GSAP: variants seen among roughly 807,000 people sequenced by gnomAD.
GSAP encodes gamma-secretase activating protein, also known as gamma-secretase-activating protein.
In GSAP, 118 loss-of-function variants were observed where a neutral mutation model predicts 131.7. The observed-to-expected ratio is 0.90, with a 90% CI of 0.77 to 1.04. The LOEUF (loss-of-function observed/expected upper bound fraction) is 1.04. Among genes scored for constraint, GSAP ranks in the 50% least tolerant of loss-of-function variants. GSAP has a pLI of 0.00. For synonymous variants in GSAP, 381 were observed against 363.4 expected (o/e 1.05, Z -0.55); for missense variants, 1,019 against 1,013.2 (o/e 1.01, Z -0.08).
intron 19 of GSAP, among the ~76,000 whole-genome samples, chr7:77,333,502 T>C (rs1363586275): frequency 6.6e-6 from 1 of 152,178 alleles, no homozygotes; most frequent in Non-Finnish European, 1.5e-5. Flanking sequence ...CTGAGCCTTA[T>C]GAGTTTTACA....
rs527531535 is a variant in GSAP, at chr7:77,349,371, T to C, written c.1525A>G (p.Ile509Val). The change falls in exon 19 of 31, where the codon ATT becomes GTT. Residue 509 changes from isoleucine to valine, a missense_variant. Physicochemically the swap from Ile to Val is conservative, Grantham distance 29. Coordinates refer to ENST00000257626, the MANE Select transcript of GSAP (RefSeq NM_017439.4). ...IPGITLVTED[I>V]ALPLMKVLSF... ...CCTACCTTCATAAGAGGCAATGCAA[T>C]GTCTTCTGTCACAAGAGTTATTCCA... The C allele has an allele frequency of 2.5e-4, 397 of 1,612,802 alleles. 6 individuals are homozygous for C. In the South Asian group the frequency reaches 4.2e-3, roughly 17 times the overall value.
At chr7:77,363,763 TA>T (rs1794866658) in intron 12 of GSAP, among the ~76,000 whole-genome samples, 1 of 152,172 alleles carries the variant, frequency 6.6e-6, no homozygotes, top group Non-Finnish European at 1.5e-5. Context: ...CAAAAAAGAA[TA>T]ACTTCATCAG....
intron 3 of GSAP, among the ~76,000 whole-genome samples, chr7:77,402,683 G>GT (rs1370982624): frequency 3.2e-5 from 4 of 124,790 alleles, no homozygotes; most frequent in South Asian, 2.5e-4. Flanking sequence ...CAAAAGGTCC[G>GT]TAAAAAAAAA....
At chr7:77,374,829 C>T (rs1044130658) in intron 11 of GSAP, among the ~76,000 whole-genome samples, 4 of 152,166 alleles carry the variant, frequency 2.6e-5, no homozygotes, top group Non-Finnish European at 5.9e-5. Context: ...TGGAGATGCA[C>T]TACAGAAATA....
chr7:77,355,425 T>G lies in GSAP; in HGVS notation c.1126A>C (p.Asn376His), dbSNP rs1182582955. 1 of 1,555,202 alleles carries G rather than the reference T, an allele frequency of 6.4e-7. No homozygotes were observed. ...TGAGGTAGCATATCAATCATTTCATTATTTCCTGGCAAAAAAAAAAAAAAC... is the reference window on the plus strand; with the variant it reads ...TGAGGTAGCATATCAATCATTTCATGATTTCCTGGCAAAAAAAAAAAAAAC... ...ICHNLFLTGN[N>H]EMIDMLPHCP... The change falls in exon 16 of 31, where the codon AAT (asparagine) becomes CAT (histidine). Residue 376 changes from asparagine (N) to histidine (H), a missense_variant. Asn to His is a moderately conservative substitution (Grantham distance 68, BLOSUM62 1). Coordinates refer to ENST00000257626, the MANE Select transcript of GSAP (RefSeq NM_017439.4).
At chr7:77,329,764 TATC>T (rs1209252810) in intron 20 of GSAP, 1 of 160,616 alleles carries the variant, frequency 6.2e-6, no homozygotes. Flanking sequence ...TATGTCATTT[TATC>T]ATGTTTAGAT....
At chr7:77,377,492 C>T (rs1797128062) in intron 8 of GSAP, 102 bp from the exon 9 acceptor site, 1 of 1,302,722 alleles carries the variant, frequency 7.7e-7, no homozygotes, top group Non-Finnish European at 1.0e-6. Flanking sequence ...CTTTATGATA[C>T]ATGTAAATAT....
At chr7:77,365,804 C>G (rs1795198170) in intron 12 of GSAP, among the ~76,000 whole-genome samples, 1 of 151,902 alleles carries the variant, frequency 6.6e-6, no homozygotes, top group Non-Finnish European at 1.5e-5. Context: ...TGAGTAATCA[C>G]CATACTGCTT....
At chr7:77,377,548 T>C (rs547102540) in intron 8 of GSAP, among the ~76,000 whole-genome samples, 158 bp from the exon 9 acceptor site, 6 of 152,268 alleles carry the variant, frequency 3.9e-5, no homozygotes. Context: ...GTATACACAG[T>C]CTTTCCAGAA....
chr7:77,324,120 A>G (rs891082458), intron 23 of GSAP, among the ~76,000 whole-genome samples: 1 of 152,200 alleles, frequency 6.6e-6, no homozygotes, highest in Admixed American at 6.5e-5. Flanking sequence ...GAACAACTCT[A>G]TATATAGAAT....
rs774294682 is a variant in GSAP at position 77,349,355 on chromosome 7, A to T, written c.1541T>A (p.Met514Lys). Residue 514 changes from methionine (M) to lysine (K), a missense_variant, in exon 19 of 31, where the codon ATG becomes AAG. Met to Lys is a moderately conservative substitution (Grantham distance 95, BLOSUM62 -1). Coordinates refer to ENST00000257626, the MANE Select transcript of GSAP (RefSeq NM_017439.4). ...TTCTTGCTGTAAGGGACCTACCTTC[A>T]TAAGAGGCAATGCAATGTCTTCTGT... ...LVTEDIALPL[M>K]KVLSFKGYWE... 1 of 1,609,832 alleles carries T rather than the reference A, an allele frequency of 6.2e-7. No homozygotes were observed. The highest frequency in any genetic ancestry group is 8.5e-7 in the Non-Finnish European group (1 of 1,176,338).
intron 26 of GSAP, chr7:77,315,195 A>C (rs1028038488): frequency 2.6e-5 from 4 of 152,252 alleles, no homozygotes; most frequent in Admixed American, 6.5e-5. Context: ...ATTTGCGGGG[A>C]GCTTCAAAGG....
chr7:77,355,324 G>A lies in GSAP; in HGVS notation c.1227C>T (p.Ser409=). The A allele has an allele frequency of 6.2e-7, 1 of 1,613,024 alleles. No homozygotes were observed. The highest frequency in any genetic ancestry group is 1.1e-5 in the South Asian group (1 of 91,066). Residue 409 remains serine, a synonymous_variant, in exon 16 of 31, where the codon AGC becomes AGT. Coordinates refer to ENST00000257626, the MANE Select transcript of GSAP (RefSeq NM_017439.4). ...GCAGAAGCTGTAATAAAGACGACTG[G>A]CTGAGCAGTGCTCTATAGAGCTTTC... is the stretch of plus-strand genomic sequence containing the variant. ...CSGKLYRALL[S]QSSLLQLLQN...
rs183637700 is a variant in GSAP, at chr7:77,391,038, A to C, written c.368-3590T>G. 2.0e-3 allele frequency among the ~76,000 whole-genome samples: 291 copies of C among 146,194 alleles called. 1 individual carries two copies. The highest frequency in any genetic ancestry group is 6.7e-3 in the African/African-American group (264 of 39,602). The stretch of plus-strand genomic sequence containing the variant: ...GCTACTCGGGAGGCTGAGGCAGGAC[A>C]ATCACTTGAACCCAGGAAGCAGAGG... On this transcript the variant is annotated intron_variant, in intron 5 of 30. Coordinates refer to ENST00000257626, the MANE Select transcript of GSAP (RefSeq NM_017439.4).
intron 28 of GSAP, 43 bp from the exon 29 acceptor site, chr7:77,312,245 A>G (rs773268167): frequency 6.6e-6 from 6 of 907,804 alleles, no homozygotes; most frequent in African/African-American, 1.7e-5. Context: ...ACCACACACT[A>G]TATTAAGTAA....
intron 19 of GSAP, among the ~76,000 whole-genome samples, chr7:77,342,074 A>C (rs1791019159): frequency 1.3e-5 from 2 of 152,160 alleles, no homozygotes; most frequent in Non-Finnish European, 1.5e-5. Flanking sequence ...CAGACTGTCC[A>C]ACTCGCCCAG....
intron 6 of GSAP, among the ~76,000 whole-genome samples, chr7:77,383,787 TGAA>T (rs1798130465): frequency 6.6e-6 from 1 of 152,138 alleles, no homozygotes; most frequent in Admixed American, 6.5e-5. Context: ...ACCCAAAACT[TGAA>T]AGTAATATAA....
intron 18 of GSAP, among the ~76,000 whole-genome samples, chr7:77,350,186 C>T (rs1292786473): frequency 1.4e-5 from 2 of 145,602 alleles, no homozygotes; most frequent in Admixed American, 1.4e-4. Context: ...AAAAACCAAA[C>T]ACTGCATGTT....
chr7:77,379,022 A>AT (rs1373548554), intron 8 of GSAP, among the ~76,000 whole-genome samples: 1 of 152,116 alleles, frequency 6.6e-6, no homozygotes, highest in East Asian at 1.9e-4. Context: ...GTAAACCACT[A>AT]TTTCCGCTTA....
Sources: allele counts gnomAD v4.1 joint callset (sites outside exome capture counted in the v4.1 genomes callset), GRCh38; gene constraint gnomAD v4.1.1; transcripts MANE v1.5; gene names NCBI Gene and HGNC (gene_info 2026-07-23, HGNC 2026-07-21).